Variants in CTNNA2 observed in about 807,000 individuals in gnomAD.
CTNNA2 encodes catenin alpha 2, also known as catenin alpha-2.
A neutral mutation model predicts 101.0 loss-of-function variants in CTNNA2; 42 were observed. The ratio of observed to expected loss-of-function variants is 0.42; its 90% CI spans 0.32 to 0.54. The LOEUF (loss-of-function observed/expected upper bound fraction) is 0.54. Among genes scored for constraint, CTNNA2 ranks in the 20% least tolerant of loss-of-function variants. The pLI, the probability that CTNNA2 is intolerant of heterozygous loss-of-function variation, is 0.14. For synonymous variants in CTNNA2, 450 were observed against 456.4 expected (o/e 0.99, Z 0.18); for missense variants, 871 against 1,223.1 (o/e 0.71, Z 4.29).
intron 4 of CTNNA2, among the ~76,000 whole-genome samples, chr2:79,435,271 A>G (rs1678701302): frequency 6.6e-6 from 1 of 152,156 alleles, no homozygotes; most frequent in Non-Finnish European, 1.5e-5. Flanking sequence ...ACTGTTGAAT[A>G]GTAGTGGTGT....
At chr2:79,242,993 T>TATATATATATATAC (rs1306982182) in intron 2 of CTNNA2, among the ~76,000 whole-genome samples, 2 of 116,702 alleles carry the variant, frequency 1.7e-5, no homozygotes, top group African/African-American at 6.5e-5. Context: ...TATATATATA[T>TATATATATATATAC]ACACACACAC....
At chr2:79,912,570 TGGC>T (rs1324536407) in intron 7 of CTNNA2, among the ~76,000 whole-genome samples, 2 of 152,220 alleles carry the variant, frequency 1.3e-5, no homozygotes, top group East Asian at 3.8e-4. Context: ...TCACAGATCA[TGGC>T]GGTGGTAGAA....
chr2:80,372,386 G>A (rs1363756398), intron 7 of CTNNA2, among the ~76,000 whole-genome samples: 2 of 139,392 alleles, frequency 1.4e-5, no homozygotes, highest in Admixed American at 1.4e-4. Context: ...TTTTTTTTAA[G>A]CTGTTGGCTA....
At chr2:79,214,185 T>C (rs1009577687) in intron 2 of CTNNA2, among the ~76,000 whole-genome samples, 36 of 152,180 alleles carry the variant, frequency 2.4e-4, no homozygotes, top group Non-Finnish European at 3.1e-4. Flanking sequence ...TAGGCTTGAC[T>C]GAAGTAATGG....
chr2:79,296,891 C>G (rs985580577), intron 2 of CTNNA2, among the ~76,000 whole-genome samples: 1 of 152,150 alleles, frequency 6.6e-6, no homozygotes, highest in African/African-American at 2.4e-5. Flanking sequence ...GTTTTGTCTT[C>G]TTAATTGGGG....
intron 13 of CTNNA2, among the ~76,000 whole-genome samples, chr2:80,581,408 A>G (rs1695528243): frequency 6.6e-6 from 1 of 152,144 alleles, no homozygotes. Flanking sequence ...ATAGATTTGG[A>G]TGGGTGGAAA....
intron 7 of CTNNA2, among the ~76,000 whole-genome samples, chr2:80,246,504 T>C (rs1671341085): frequency 6.6e-6 from 1 of 152,160 alleles, no homozygotes; most frequent in African/African-American, 2.4e-5. Context: ...AATCAGAGCA[T>C]TGGATGTAGG....
intron 7 of CTNNA2, among the ~76,000 whole-genome samples, chr2:80,184,089 A>T (rs1392259918): frequency 1.3e-5 from 2 of 152,138 alleles, no homozygotes; most frequent in East Asian, 3.8e-4. Flanking sequence ...AATAATAACC[A>T]CAAAACATGT....
chr2:80,498,268 C>T (rs1301188357), intron 9 of CTNNA2, among the ~76,000 whole-genome samples: 1 of 152,184 alleles, frequency 6.6e-6, no homozygotes, highest in African/African-American at 2.4e-5. Flanking sequence ...TGGACATGGC[C>T]ATGGCCTACA....
At chr2:79,907,658 G>A (rs1040528084) in intron 6 of CTNNA2, among the ~76,000 whole-genome samples, 2 of 152,068 alleles carry the variant, frequency 1.3e-5, no homozygotes, top group Non-Finnish European at 2.9e-5. Flanking sequence ...GCACATTTTG[G>A]GTAAAGTAAA....
chr2:80,198,545 C>A (rs1270262561), intron 7 of CTNNA2, among the ~76,000 whole-genome samples: 1 of 152,018 alleles, frequency 6.6e-6, no homozygotes, highest in African/African-American at 2.4e-5. Context: ...TATGAGATTG[C>A]CAGTTAGTCT....
At position 79,597,268 on chromosome 2, in the gene CTNNA2, C is replaced by G. The variant is rs28695555; in HGVS notation, c.-5-54284C>G. On this transcript the variant is annotated intron_variant, in intron 1 of 18. Transcript: ENST00000402739. ...CGGCATGATCACAAGGTCAGGAGAT[C>G]GAGACCATCCTGGCTAACATGGTGA... Among the ~76,000 whole-genome samples the G allele has an allele frequency of 3.2e-3, 491 of 152,032 alleles. 7 individuals carry two copies. Among genetic ancestry groups the G allele is most frequent in the African/African-American group, 0.011 (465 of 41,484 alleles).
At chr2:79,650,542 C>T (rs1052935457) in intron 1 of CTNNA2, among the ~76,000 whole-genome samples, 2 of 151,588 alleles carry the variant, frequency 1.3e-5, no homozygotes, top group African/African-American at 2.4e-5. Flanking sequence ...TACTTTGCTT[C>T]CTGCTATTCT....
chr2:79,359,083 A>G (rs1677570164), intron 3 of CTNNA2, among the ~76,000 whole-genome samples: 1 of 152,214 alleles, frequency 6.6e-6, no homozygotes, highest in African/African-American at 2.4e-5. Context: ...TGAATTAGTT[A>G]ACTCAGCTTT....
chr2:79,925,402 A>G (rs1686957149), intron 7 of CTNNA2, among the ~76,000 whole-genome samples: 1 of 152,118 alleles, frequency 6.6e-6, no homozygotes, highest in South Asian at 2.1e-4. Context: ...TACATGAAAT[A>G]TTTAAATTCA....
At chr2:79,615,060 T>C (rs1678527697) in intron 1 of CTNNA2, among the ~76,000 whole-genome samples, 1 of 152,206 alleles carries the variant, frequency 6.6e-6, no homozygotes, top group Non-Finnish European at 1.5e-5. Context: ...TTTTTCATTA[T>C]ATTTGTTGAT....
At chr2:80,157,327 C>A (rs908778347) in intron 7 of CTNNA2, among the ~76,000 whole-genome samples, 2 of 152,138 alleles carry the variant, frequency 1.3e-5, no homozygotes, top group Admixed American at 1.3e-4. Flanking sequence ...AGAAAGGGTT[C>A]TTTGACAATT....
chr2:80,291,252 A>C (rs556950168), intron 7 of CTNNA2, among the ~76,000 whole-genome samples: 43 of 152,364 alleles, frequency 2.8e-4, no homozygotes, highest in African/African-American at 1.0e-3. Context: ...AGGAGAATGC[A>C]TAGAAAGTTA....
At chr2:79,550,290 G>A (rs897885210) in intron 1 of CTNNA2, among the ~76,000 whole-genome samples, 8 of 152,134 alleles carry the variant, frequency 5.3e-5, no homozygotes, top group South Asian at 4.1e-4. Flanking sequence ...CTAGAACTTC[G>A]GACCTTTAAA....
Sources: gnomAD v4.1 joint callset for allele counts (sites outside exome capture counted in the v4.1 genomes callset) on GRCh38, gnomAD v4.1.1 for gene constraint, MANE v1.5 for transcripts, NCBI Gene and HGNC (gene_info 2026-07-23, HGNC 2026-07-21) for gene names.